AK8: variants seen among roughly 807,000 people sequenced by gnomAD.
AK8 encodes adenylate kinase 8, also known as ATP-AMP transphosphorylase 8.
A neutral mutation model predicts 54.6 loss-of-function variants in AK8; 44 were observed. The observed-to-expected ratio is 0.81, with a 90% CI of 0.63 to 1.04. The LOEUF (loss-of-function observed/expected upper bound fraction) is 1.04, where lower values mean the gene tolerates loss of function less well. Ranked by LOEUF, AK8 falls within the 50% of genes least tolerant of loss-of-function variation. The pLI is 0.00. For missense variants in AK8, 555 were observed against 613.6 expected, an observed-to-expected ratio of 0.90 and a Z score of 1.01; for synonymous variants, 239 against 245.6, an observed-to-expected ratio of 0.97 and a Z score of 0.25.
intron 11 of AK8, among the ~76,000 whole-genome samples, chr9:132,743,774 C>T (rs1175235308): frequency 2.0e-5 from 3 of 152,186 alleles, no homozygotes; most frequent in South Asian, 2.1e-4. Flanking sequence ...ATTTAATCCT[C>T]GTGAGAAGTA....
chr9:132,747,249 T>C (rs567236042), intron 11 of AK8, among the ~76,000 whole-genome samples: 1 of 152,132 alleles, frequency 6.6e-6, no homozygotes, highest in African/African-American at 2.4e-5. Flanking sequence ...CAAGCGATTC[T>C]CCTGCCTCAG....
intron 4 of AK8, among the ~76,000 whole-genome samples, chr9:132,856,035 G>T (rs1264411479): frequency 6.6e-6 from 1 of 152,132 alleles, no homozygotes; most frequent in Non-Finnish European, 1.5e-5. Flanking sequence ...GCTTCCCCAG[G>T]GTACTCCGCA....
chr9:132,843,064 T>C (rs969998986), intron 5 of AK8, among the ~76,000 whole-genome samples: 2 of 152,234 alleles, frequency 1.3e-5, no homozygotes, highest in South Asian at 2.1e-4. Flanking sequence ...GGGGATTACA[T>C]AGGCATGGAC....
intron 5 of AK8, among the ~76,000 whole-genome samples, chr9:132,835,282 A>G (rs1046852263): frequency 6.6e-6 from 1 of 152,210 alleles, no homozygotes; most frequent in African/African-American, 2.4e-5. Flanking sequence ...TGAAGAACAA[A>G]TTGTTCTGTC....
At chr9:132,823,739 G>A (rs1428335772) in intron 8 of AK8, among the ~76,000 whole-genome samples, 4 of 152,224 alleles carry the variant, frequency 2.6e-5, no homozygotes, top group African/African-American at 7.2e-5. Context: ...CCTCCCAACC[G>A]GAAGCCCCGG....
intron 11 of AK8, among the ~76,000 whole-genome samples, chr9:132,763,961 C>CA (rs1227483990): frequency 1.3e-5 from 2 of 152,094 alleles, no homozygotes; most frequent in African/African-American, 4.8e-5. Flanking sequence ...ACTAGAAAAG[C>CA]AAAAACTAAC....
Position 132,792,353 on chromosome 9 carries a change from T to C in AK8, c.1121+281A>G, listed in dbSNP as rs1211209124. ...ACTGTAAAAATAGTAGAAGAAAACATCCATTGATTTGTATAACAATTCCCC... is the reference window on the plus strand; with the variant it reads ...ACTGTAAAAATAGTAGAAGAAAACACCCATTGATTTGTATAACAATTCCCC... On this transcript the variant is annotated intron_variant, in intron 11 of 12. Transcript: ENST00000298545. 3.9e-5 allele frequency among the ~76,000 whole-genome samples: 6 copies of C among 152,138 alleles called. No homozygotes were observed. In the East Asian group the frequency reaches 1.2e-3, roughly 29 times the overall value.
chr9:132,858,247 C>T (rs1157351414), intron 4 of AK8, among the ~76,000 whole-genome samples: 2 of 152,254 alleles, frequency 1.3e-5, no homozygotes, highest in Non-Finnish European at 2.9e-5. Flanking sequence ...GTGGGTTTCC[C>T]GGCCTGGGGG....
At chr9:132,840,199 A>T (rs1842481636) in intron 5 of AK8, among the ~76,000 whole-genome samples, 2 of 152,248 alleles carry the variant, frequency 1.3e-5, no homozygotes, top group South Asian at 4.1e-4. Flanking sequence ...TTTGGAGAGG[A>T]CAAACATTCA....
At chr9:132,769,797 T>G (rs533835269) in intron 11 of AK8, 3 of 152,288 alleles carry the variant, frequency 2.0e-5, no homozygotes, top group African/African-American at 7.2e-5. Flanking sequence ...TCTCTGGTCA[T>G]TAGTATCCTT....
At chr9:132,760,406 G>A (rs745345284) in intron 11 of AK8, among the ~76,000 whole-genome samples, 3 of 152,154 alleles carry the variant, frequency 2.0e-5, no homozygotes, top group Non-Finnish European at 4.4e-5. Context: ...CAAAGAAAGT[G>A]TAAATAATCT....
In AK8 at chr9:132,780,468, C is replaced by T. The variant is rs145240357; in HGVS notation, c.1121+12166G>A. 3.6e-3 allele frequency among the ~76,000 whole-genome samples: 544 copies of T among 152,254 alleles called. 4 individuals are homozygous for T. The highest frequency in any genetic ancestry group is 5.1e-3 in the Non-Finnish European group (345 of 68,016). ...AGGTCTGTTTAGCAAAAGCCAACAA[C>T]AACAACTACAAACCCAGCACCAACG... On this transcript the variant is annotated intron_variant, in intron 11 of 12. Transcript: ENST00000298545.
intron 11 of AK8, among the ~76,000 whole-genome samples, chr9:132,733,375 C>A (rs1419824484): frequency 6.6e-6 from 1 of 152,184 alleles, no homozygotes; most frequent in African/African-American, 2.4e-5. Flanking sequence ...GCTGTCACGG[C>A]GGCTGGCGGC....
chr9:132,829,694 CA>C lies in AK8; in HGVS notation c.403-969del, dbSNP rs939712258. Among the ~76,000 whole-genome samples, 4 of 152,008 alleles carry C rather than the reference CA, an allele frequency of 2.6e-5. 1 individual carries two copies. Reference sequence around the variant, plus strand: ...CTCACCCATCAGCCCCCTCTTGGTACAGCTAGGGAACTGGTTTAGAGGTTTA... The same window carrying C: ...CTCACCCATCAGCCCCCTCTTGGTACGCTAGGGAACTGGTTTAGAGGTTTA... On this transcript the variant is annotated intron_variant, in intron 5 of 12. Coordinates refer to ENST00000298545, the MANE Select transcript of AK8 (RefSeq NM_152572.3).
intron 5 of AK8, among the ~76,000 whole-genome samples, chr9:132,845,985 A>C (rs1842733602): frequency 6.6e-6 from 1 of 152,060 alleles, no homozygotes; most frequent in Admixed American, 6.6e-5. Context: ...TGGAGTGGGG[A>C]AAGAAGGGCA....
chr9:132,783,860 C>T (rs1302023893), intron 11 of AK8, among the ~76,000 whole-genome samples: 1 of 151,964 alleles, frequency 6.6e-6, no homozygotes, highest in Non-Finnish European at 1.5e-5. Flanking sequence ...CAGCAGAAAA[C>T]AGTCAGTTAC....
At chr9:132,777,501 G>A (rs943205251) in intron 11 of AK8, among the ~76,000 whole-genome samples, 2 of 152,210 alleles carry the variant, frequency 1.3e-5, no homozygotes, top group African/African-American at 4.8e-5. Context: ...TGGCTCTCTA[G>A]CAAACTCAGA....
intron 5 of AK8, among the ~76,000 whole-genome samples, chr9:132,853,357 C>CA (rs36114433): frequency 0.59 from 62,167 of 105,222 alleles, 16,823 homozygotes; most frequent in South Asian, 0.7. Context: ...GACTCCGCCT[C>CA]AAAAAAAAAA....
intron 1 of AK8, among the ~76,000 whole-genome samples, chr9:132,876,380 A>C (rs928908276): frequency 6.6e-6 from 1 of 150,996 alleles, no homozygotes; most frequent in African/African-American, 2.4e-5. Flanking sequence ...AATTTCAAGG[A>C]TATCACTTAG....
Sources: allele counts gnomAD v4.1 joint callset (sites outside exome capture counted in the v4.1 genomes callset), GRCh38; gene constraint gnomAD v4.1.1; transcripts MANE v1.5; gene names NCBI Gene and HGNC (gene_info 2026-07-23, HGNC 2026-07-21).